Variants in APCDD1L observed in about 807,000 individuals in gnomAD.
APCDD1L encodes the protein protein APCDD1-like.
A neutral mutation model predicts 24.2 loss-of-function variants in APCDD1L; 21 were observed. The ratio of observed to expected loss-of-function variants is 0.87; its 90% CI spans 0.61 to 1.25. The LOEUF is 1.25. Among genes scored for constraint, APCDD1L ranks in the 50% most tolerant of loss-of-function variants. The pLI is 0.00. For missense variants in APCDD1L, 704 were observed against 711.7 expected, an observed-to-expected ratio of 0.99 and a Z score of 0.12; for synonymous variants, 321 against 323.6, an observed-to-expected ratio of 0.99 and a Z score of 0.09.
intron 1 of APCDD1L, among the ~76,000 whole-genome samples, chr20:58,473,856 T>C (rs147887910): frequency 5.9e-5 from 9 of 152,358 alleles, no homozygotes; most frequent in African/African-American, 2.2e-4. Context: ...GCAGGGACAT[T>C]TGAAATTAGA....
chr20:58,469,976 C>T (rs1008686051), intron 2 of APCDD1L, among the ~76,000 whole-genome samples: 1 of 152,240 alleles, frequency 6.6e-6, no homozygotes, highest in Non-Finnish European at 1.5e-5. Context: ...GGAGAGAATG[C>T]AAAGTCCATT....
intron 1 of APCDD1L, among the ~76,000 whole-genome samples, chr20:58,476,145 ATCATTCAT>A (rs1024929274): frequency 6.6e-6 from 1 of 152,184 alleles, no homozygotes. Flanking sequence ...TGACCCAACT[ATCATTCAT>A]TCATTCATTT....
intron 2 of APCDD1L, among the ~76,000 whole-genome samples, chr20:58,469,033 G>C (rs753870165): frequency 2.6e-5 from 4 of 152,206 alleles, no homozygotes; most frequent in Non-Finnish European, 4.4e-5. Flanking sequence ...CTCCCAGAGA[G>C]AGCAACTTAG....
chr20:58,514,366 G>A (rs1302311936), intron 1 of APCDD1L, among the ~76,000 whole-genome samples: 1 of 152,198 alleles, frequency 6.6e-6, no homozygotes, highest in Admixed American at 6.5e-5. Context: ...CACTGGGCCC[G>A]GCACAAAGGG....
chr20:58,511,602 A>G (rs924521759), intron 1 of APCDD1L, among the ~76,000 whole-genome samples: 1 of 152,256 alleles, frequency 6.6e-6, no homozygotes, highest in African/African-American at 2.4e-5. Context: ...ACAGCTGGCC[A>G]CAGTGATTCA....
At chr20:58,507,769 G>A (rs1012172996) in intron 1 of APCDD1L, among the ~76,000 whole-genome samples, 1 of 152,210 alleles carries the variant, frequency 6.6e-6, no homozygotes, top group African/African-American at 2.4e-5. Context: ...CTAGTTTTCT[G>A]AATATAAAGA....
intron 1 of APCDD1L, among the ~76,000 whole-genome samples, chr20:58,493,018 TCACA>T (rs912216537): frequency 4.6e-4 from 28 of 60,552 alleles, no homozygotes; most frequent in African/African-American, 1.4e-3. Flanking sequence ...ACACGTGCAC[TCACA>T]CACAAGGCAA....
intron 1 of APCDD1L, among the ~76,000 whole-genome samples, chr20:58,498,319 G>A (rs1990364112): frequency 6.6e-6 from 1 of 152,152 alleles, no homozygotes; most frequent in Admixed American, 6.5e-5. Context: ...CAAGCCGTGG[G>A]GTAGGCTGGT....
intron 1 of APCDD1L, among the ~76,000 whole-genome samples, chr20:58,489,023 G>A (rs974525310): frequency 1.3e-5 from 2 of 152,126 alleles, no homozygotes; most frequent in Non-Finnish European, 2.9e-5. Context: ...GAAAAGAGGA[G>A]AGGAGAGATT....
intron 1 of APCDD1L, among the ~76,000 whole-genome samples, chr20:58,474,416 C>G (rs925721792): frequency 6.6e-6 from 1 of 152,068 alleles, no homozygotes; most frequent in African/African-American, 2.4e-5. Flanking sequence ...TAAAAGGTAC[C>G]ATCTTGGCTG....
At chr20:58,493,302 C>T (rs1470533089) in intron 1 of APCDD1L, among the ~76,000 whole-genome samples, 1 of 152,222 alleles carries the variant, frequency 6.6e-6, no homozygotes, top group East Asian at 1.9e-4. Flanking sequence ...TAAGAAAAGA[C>T]ACTGGTTGGG....
intron 1 of APCDD1L, among the ~76,000 whole-genome samples, chr20:58,503,617 G>T (rs1056334288): frequency 6.6e-6 from 1 of 152,148 alleles, no homozygotes; most frequent in African/African-American, 2.4e-5. Flanking sequence ...CTTTCTATAT[G>T]ATTTAATATT....
At chr20:58,466,011 C>CT (rs1989697774) in intron 3 of APCDD1L, among the ~76,000 whole-genome samples, 1 of 151,434 alleles carries the variant, frequency 6.6e-6, no homozygotes, top group African/African-American at 2.4e-5. Flanking sequence ...AGAGGGGTCT[C>CT]TGACACTGGG....
intron 1 of APCDD1L, among the ~76,000 whole-genome samples, chr20:58,484,470 C>T (rs1990083313): frequency 6.6e-6 from 1 of 152,136 alleles, no homozygotes; most frequent in Non-Finnish European, 1.5e-5. Flanking sequence ...ATAAATCTTT[C>T]TAGGCTTTTT....
At chr20:58,470,960 C>T (rs1342470818) in intron 1 of APCDD1L, among the ~76,000 whole-genome samples, 1 of 152,178 alleles carries the variant, frequency 6.6e-6, no homozygotes, top group Non-Finnish European at 1.5e-5. Flanking sequence ...CGCATCTCCT[C>T]CTGGGTTCCC....
chr20:58,493,908 A>G (rs1340787549), intron 1 of APCDD1L, among the ~76,000 whole-genome samples: 1 of 152,184 alleles, frequency 6.6e-6, no homozygotes, highest in Admixed American at 6.5e-5. Context: ...ACTCCCCCAA[A>G]ACCTAACTAT....
In APCDD1L at chr20:58,476,520, T is replaced by C. The variant is rs1600853721; in HGVS notation, c.50-5773A>G. On this transcript the variant is annotated intron_variant, in intron 1 of 3. Coordinates refer to ENST00000371149, the MANE Select transcript of APCDD1L (RefSeq NM_153360.3). ...ACTTATTGAATGCCTGTTGTATGCC[T>C]GGAAATGAAATGGACTCTGGGTCTA... is the stretch of plus-strand genomic sequence containing the variant. Among the ~76,000 whole-genome samples the C allele has an allele frequency of 5.3e-5, 8 of 152,306 alleles. No individual in the cohort carries two copies. In the South Asian group the frequency reaches 1.4e-3, roughly 28 times the overall value.
At chr20:58,512,901 T>G (rs924214625) in intron 1 of APCDD1L, among the ~76,000 whole-genome samples, 48 of 152,204 alleles carry the variant, frequency 3.2e-4, no homozygotes, top group Middle Eastern at 3.4e-3. Flanking sequence ...CCCCCCTCTC[T>G]CGTCAGGCCC....
intron 1 of APCDD1L, among the ~76,000 whole-genome samples, chr20:58,490,076 G>A (rs1990195947): frequency 6.6e-6 from 1 of 152,060 alleles, no homozygotes; most frequent in Non-Finnish European, 1.5e-5. Flanking sequence ...CTCTTCATAT[G>A]ACAAAGATTT....
Sources: gnomAD v4.1 joint callset for allele counts (sites outside exome capture counted in the v4.1 genomes callset) on GRCh38, gnomAD v4.1.1 for gene constraint, MANE v1.5 for transcripts, NCBI Gene and HGNC (gene_info 2026-07-23, HGNC 2026-07-21) for gene names.